Variants in SLC24A2 observed in about 807,000 individuals in gnomAD.
The protein encoded by SLC24A2 is sodium/potassium/calcium exchanger 2.
SLC24A2 carries 36 observed loss-of-function variants against 62.0 expected under a neutral mutation model. The ratio of observed to expected loss-of-function variants is 0.58; its 90% CI spans 0.44 to 0.77. SLC24A2 has a LOEUF of 0.77. Ranked by LOEUF, SLC24A2 falls within the 30% of genes least tolerant of loss-of-function variation. The pLI is 0.00. For missense variants in SLC24A2, 846 were observed against 817.9 expected (o/e 1.03, Z -0.42); for synonymous variants, 358 against 294.0 (o/e 1.22, Z -2.23).
chr9:19,658,064 A>C (rs962432221), intron 2 of SLC24A2, among the ~76,000 whole-genome samples: 1 of 152,162 alleles, frequency 6.6e-6, no homozygotes, highest in African/African-American at 2.4e-5. Context: ...AACAATGTAC[A>C]TCAGGCACTG....
the SLC24A2 span, among the ~76,000 whole-genome samples, chr9:20,188,144 G>A: frequency 6.6e-6 from 1 of 152,188 alleles, no homozygotes; most frequent in African/African-American, 2.4e-5. Flanking sequence ...GGGAGGCCTT[G>A]TAGAATTTCT....
the SLC24A2 span, among the ~76,000 whole-genome samples, chr9:20,254,015 A>G: frequency 6.6e-6 from 1 of 152,210 alleles, no homozygotes; most frequent in African/African-American, 2.4e-5. Context: ...AAAAGCAAAG[A>G]GAGAGACAAA....
the SLC24A2 span, among the ~76,000 whole-genome samples, chr9:20,258,854 T>C: frequency 0.027 from 2,630 of 97,490 alleles, 28 homozygotes; most frequent in Non-Finnish European, 0.034. Flanking sequence ...TCTATCTATC[T>C]AATGTCTATC....
the SLC24A2 span, among the ~76,000 whole-genome samples, chr9:19,825,672 C>T: frequency 6.6e-6 from 1 of 152,096 alleles, no homozygotes; most frequent in Non-Finnish European, 1.5e-5. Flanking sequence ...TAGAAATAGC[C>T]CAGTTGCAGT....
chr9:19,605,057 A>C (rs1836946019), intron 4 of SLC24A2, among the ~76,000 whole-genome samples: 1 of 152,232 alleles, frequency 6.6e-6, no homozygotes, highest in African/African-American at 2.4e-5. Flanking sequence ...GGATGCAAAG[A>C]AAGGGTGGAA....
At chr9:19,878,718 T>G in the SLC24A2 span, among the ~76,000 whole-genome samples, 1 of 152,100 alleles carries the variant, frequency 6.6e-6, no homozygotes, top group Admixed American at 6.5e-5. Context: ...CCCCTTTGCC[T>G]TCTGCCATGA....
chr9:20,208,531 A>G, the SLC24A2 span, among the ~76,000 whole-genome samples: 9,676 of 152,296 alleles, frequency 0.064, 869 homozygotes, highest in African/African-American at 0.2. Context: ...TTTCTCCATC[A>G]GTGCTTTTCC....
the SLC24A2 span, among the ~76,000 whole-genome samples, chr9:20,008,578 C>T: frequency 5.3e-5 from 8 of 152,300 alleles, no homozygotes; most frequent in South Asian, 1.7e-3. Flanking sequence ...GCTTCCTGTA[C>T]TGGTGCCCTG....
chr9:19,918,143 T>C, the SLC24A2 span, among the ~76,000 whole-genome samples: 84 of 40,700 alleles, frequency 2.1e-3, no homozygotes, highest in East Asian at 0.079. Context: ...TGACATTATG[T>C]GTGTGTGTGT....
chr9:19,773,754 A>T (rs1309738011), intron 2 of SLC24A2, among the ~76,000 whole-genome samples: 1 of 152,206 alleles, frequency 6.6e-6, no homozygotes, highest in Non-Finnish European at 1.5e-5. Context: ...CTGGCAAACC[A>T]ACATCAGTCA....
chr9:20,206,111 A>T, the SLC24A2 span, among the ~76,000 whole-genome samples: 1 of 152,254 alleles, frequency 6.6e-6, no homozygotes, highest in African/African-American at 2.4e-5. Flanking sequence ...GACAGAGTAT[A>T]AAAAGTTTAT....
chr9:19,704,749 T>G (rs1587184353), intron 2 of SLC24A2, among the ~76,000 whole-genome samples: 2 of 151,862 alleles, frequency 1.3e-5, no homozygotes, highest in African/African-American at 4.8e-5. Context: ...AGGAGGTCTG[T>G]GTAACCTTCA....
chr9:19,849,838 G>T, the SLC24A2 span, among the ~76,000 whole-genome samples: 1 of 152,122 alleles, frequency 6.6e-6, no homozygotes, highest in Non-Finnish European at 1.5e-5. Context: ...AACAATCAAG[G>T]ATATTTAAAG....
At chr9:20,111,475 G>T in the SLC24A2 span, among the ~76,000 whole-genome samples, 9 of 152,112 alleles carry the variant, frequency 5.9e-5, no homozygotes, top group Non-Finnish European at 1.0e-4. Context: ...TTATAAATAA[G>T]CCCTTTATTA....
the SLC24A2 span, among the ~76,000 whole-genome samples, chr9:19,957,170 T>A: frequency 1.3e-5 from 2 of 152,202 alleles, no homozygotes; most frequent in African/African-American, 2.4e-5. Context: ...GACTTTAAAT[T>A]AAAGCAGTAC....
intron 2 of SLC24A2, among the ~76,000 whole-genome samples, chr9:19,764,329 TCTTA>T (rs1280694210): frequency 6.6e-6 from 1 of 151,518 alleles, no homozygotes; most frequent in Non-Finnish European, 1.5e-5. Flanking sequence ...TCTGCTCTGA[TCTTA>T]CTTCTACTGG....
chr9:20,068,922 C>T, the SLC24A2 span, among the ~76,000 whole-genome samples: 1 of 152,142 alleles, frequency 6.6e-6, no homozygotes, highest in Non-Finnish European at 1.5e-5. Context: ...TTCCAGTTCA[C>T]AGCTTTCACT....
intron 4 of SLC24A2, among the ~76,000 whole-genome samples, chr9:19,606,255 G>C (rs752440359): frequency 6.6e-6 from 1 of 152,122 alleles, no homozygotes; most frequent in Non-Finnish European, 1.5e-5. Flanking sequence ...AAATGGCAGA[G>C]GAGAATTTTC....
the SLC24A2 span, among the ~76,000 whole-genome samples, chr9:19,857,284 C>T: frequency 6.6e-6 from 1 of 152,210 alleles, no homozygotes; most frequent in African/African-American, 2.4e-5. Context: ...ACCCTCCTAA[C>T]TTTCTCTTCT....
Sources: gnomAD v4.1 joint callset for allele counts (sites outside exome capture counted in the v4.1 genomes callset) on GRCh38, gnomAD v4.1.1 for gene constraint, MANE v1.5 for transcripts, NCBI Gene and HGNC (gene_info 2026-07-23, HGNC 2026-07-21) for gene names.